Variants in POLRMT observed in about 807,000 individuals in gnomAD.
The protein encoded by POLRMT is RNA polymerase mitochondrial, also known as DNA-directed RNA polymerase, mitochondrial.
A neutral mutation model predicts 132.2 loss-of-function variants in POLRMT; 114 were observed. That is an observed-to-expected ratio of 0.86 (90% CI 0.74 to 1.01). The LOEUF (loss-of-function observed/expected upper bound fraction) is 1.01, where lower values mean the gene tolerates loss of function less well. POLRMT is among the 50% of genes least tolerant of loss of function. The pLI is 0.00. For synonymous variants in POLRMT, 1,020 were observed against 773.4 expected (o/e 1.32, Z -5.29); for missense variants, 2,003 against 1,729.1 (o/e 1.16, Z -2.81).
rs766197089 is a variant in POLRMT at position 619,771 on chromosome 19, C to A, written c.2887-6G>T. On this transcript the variant is annotated splice_region_variant and splice_polypyrimidine_tract_variant and intron_variant, in intron 12 of 20. Transcript: ENST00000588649. ...TGCCTACGGAACACCTCCACCTGCA[C>A]GGCGGGTGGGCCGGGGGCGCGGGTC... The A allele has an allele frequency of 5.1e-6, 8 of 1,564,694 alleles. No individual in the cohort carries two copies. The African/African-American group carries it at 6.8e-5, about 13-fold the overall frequency.
At chr19:624,063 G>A (rs1346767730) in intron 5 of POLRMT, among the ~76,000 whole-genome samples, 4 of 152,244 alleles carry the variant, frequency 2.6e-5, no homozygotes, top group African/African-American at 7.2e-5. Context: ...ACTCGCAGTC[G>A]ATAAGTAGAA....
chr19:619,771 C>T lies in POLRMT; in HGVS notation c.2887-6G>A, dbSNP rs766197089. ...TGCCTACGGAACACCTCCACCTGCA[C>T]GGCGGGTGGGCCGGGGGCGCGGGTC... On this transcript the variant is annotated splice_region_variant and splice_polypyrimidine_tract_variant and intron_variant, in intron 12 of 20. Transcript: ENST00000588649. The T allele has an allele frequency of 1.3e-6, 2 of 1,564,694 alleles. No homozygotes were observed. The highest frequency in any genetic ancestry group is 1.8e-5 in the Admixed American group (1 of 54,632).
In POLRMT at chr19:624,730, C is replaced by T. The variant is rs1230332273; in HGVS notation, c.1129G>A (p.Val377Met). The T allele has an allele frequency of 6.2e-6, 10 of 1,613,152 alleles. No individual in the cohort carries two copies. The highest frequency in any genetic ancestry group is 2.2e-5 in the East Asian group (1 of 44,858). The change falls in exon 5 of 21, where the codon GTG (valine) becomes ATG (methionine). Residue 377 changes from valine to methionine, a missense_variant. Val to Met is a conservative substitution (Grantham distance 21). Coordinates refer to ENST00000588649, the MANE Select transcript of POLRMT (RefSeq NM_005035.4). ...PVNTSKLLRD[V>M]YAKDGRVSYP... ...CCACGTGGGCTCACCTTGGCATACA[C>T]GTCCCTGAGCAGCTTGGAGGTGTTG...
chr19:621,388 C>T lies in POLRMT; in HGVS notation c.2310G>A (p.Arg770=). Residue 770 remains arginine (R), a synonymous_variant, in exon 10 of 21, where the codon CGG becomes CGA. Coordinates refer to ENST00000588649, the MANE Select transcript of POLRMT (RefSeq NM_005035.4). ...RELAHCQKVA[R]EMHSLRAEAL... Reference sequence around the variant, plus strand: ...CCTCCGCCCGCAGGCTGTGCATCTCCCGGGCCACCTTCTGGCAGTGCGCCA... The same window carrying T: ...CCTCCGCCCGCAGGCTGTGCATCTCTCGGGCCACCTTCTGGCAGTGCGCCA... 6.5e-7 allele frequency: 1 copy of T among 1,540,344 alleles called. No individual in the cohort carries two copies. The highest frequency in any genetic ancestry group is 8.7e-7 in the Non-Finnish European group (1 of 1,150,776).
At chr19:619,883 G>A (rs918473151) in intron 12 of POLRMT, 75 bp downstream of exon 12, 46 of 1,588,192 alleles carry the variant, frequency 2.9e-5, no homozygotes, top group Non-Finnish European at 3.4e-5. Flanking sequence ...CCAAGGTGAG[G>A]GCACCTGGGG....
chr19:632,983 C>T (rs1985539166), intron 1 of POLRMT, 45 bp from the exon 2 acceptor site: 7 of 1,365,418 alleles, frequency 5.1e-6, no homozygotes, highest in Non-Finnish European at 5.8e-6. Context: ...GGCGTGTGGG[C>T]GGGGGCCTCC....
At position 621,430 on chromosome 19, in the gene POLRMT, G is replaced by A. The variant is rs770942121; in HGVS notation, c.2268C>T (p.Ala756=). 58 of 1,465,606 alleles carry A rather than the reference G, an allele frequency of 4.0e-5. No homozygotes were observed. Among genetic ancestry groups the A allele is most frequent in the Middle Eastern group, 4.8e-4 (2 of 4,146 alleles). 90.8% of individuals were successfully genotyped at this position (1,465,606 alleles called of 1,614,324 possible). ...AGTGCGCCAGCTCACGGCGCAGCTC[G>A]GCCTTGCGGGCGGGCGCGGCGCTGT... ...LPHSAAPARK[A]ELRRELAHCQ... Residue 756 remains alanine, a synonymous_variant, in exon 10 of 21, where the codon GCC becomes GCT. Coordinates refer to ENST00000588649, the MANE Select transcript of POLRMT (RefSeq NM_005035.4).
At chr19:619,431 C>A in intron 13 of POLRMT, 135 bp from the exon 14 acceptor site, 1 of 1,354,862 alleles carries the variant, frequency 7.4e-7, no homozygotes, top group Non-Finnish European at 1.0e-6. Flanking sequence ...CTGGCGCCCA[C>A]GCAGTCAGCA....
chr19:617,373 T>G, intron 20 of POLRMT, 46 bp downstream of exon 20: 1 of 1,612,372 alleles, frequency 6.2e-7, no homozygotes, highest in Non-Finnish European at 8.5e-7. Context: ...AGCCCCGCCC[T>G]GGCCCGCAGT....
At chr19:620,209 C>T (rs1984407387) in intron 11 of POLRMT, 129 bp from the exon 12 acceptor site, 4 of 1,468,166 alleles carry the variant, frequency 2.7e-6, no homozygotes, top group Non-Finnish European at 9.1e-7. Flanking sequence ...GGAGCCCCCG[C>T]ACGCTCCCGG....
rs374317205 is a variant in POLRMT at position 620,457 on chromosome 19, G to A, written c.2671C>T (p.Pro891Ser). The stretch of plus-strand genomic sequence containing the variant: ...ATACAGCAGGCCAGCGTCTGCCAGG[G>A]TTCCTCCGCGCCCATCCACCACTTT... The part of the protein sequence containing the change: ...GRKWWMGAEE[P>S]WQTLACCMEV... Residue 891 changes from proline (P) to serine (S), a missense_variant, in exon 11 of 21, where the codon CCC becomes TCC. Pro to Ser is a moderately conservative substitution (Grantham distance 74). Coordinates refer to ENST00000588649, the MANE Select transcript of POLRMT (RefSeq NM_005035.4). The A allele has an allele frequency of 2.4e-5, 39 of 1,600,582 alleles. No individual in the cohort carries two copies. The highest frequency in any genetic ancestry group is 3.0e-5 in the Non-Finnish European group (35 of 1,173,568).
At chr19:625,753 G>C (rs750351794) in intron 3 of POLRMT, among the ~76,000 whole-genome samples, 1 of 152,190 alleles carries the variant, frequency 6.6e-6, no homozygotes, top group East Asian at 1.9e-4. Flanking sequence ...CCAGGCTGGA[G>C]TGCAGTGGCA....
At chr19:626,479 ATT>A (rs113783333) in intron 3 of POLRMT, among the ~76,000 whole-genome samples, 8 of 136,632 alleles carry the variant, frequency 5.9e-5, no homozygotes, top group African/African-American at 1.9e-4. Flanking sequence ...ATCCCCTGCA[ATT>A]TTTTTTTTTT....
chr19:632,817 G>A lies in POLRMT; in HGVS notation c.193+17C>T, dbSNP rs370757132. The A allele has an allele frequency of 5.2e-6, 8 of 1,529,928 alleles. No individual in the cohort carries two copies. In the African/African-American group the frequency reaches 9.8e-5, roughly 19 times the overall value. The allele number at this position is 1,529,928 out of a possible 1,614,324, so 94.8% of individuals were successfully genotyped here. ...GCGGACTCTCCTCTCCCGGGCCGCC[G>A]TGGGGGTCGCGCTCACCCTCCAGCA... On this transcript the variant is annotated intron_variant, in intron 2 of 20. Transcript: ENST00000588649.
At chr19:620,599 G>C in intron 10 of POLRMT, 112 bp from the exon 11 acceptor site, 1 of 1,294,156 alleles carries the variant, frequency 7.7e-7, no homozygotes, top group Non-Finnish European at 1.0e-6. Flanking sequence ...ACCCGTGATA[G>C]TGAACACGGG....
Position 620,013 on chromosome 19 carries a change from A to G in POLRMT, c.2831T>C (p.Val944Ala). 3.2e-6 allele frequency: 5 copies of G among 1,583,436 alleles called. No individual in the cohort carries two copies. The highest frequency in any genetic ancestry group is 3.4e-6 in the Non-Finnish European group (4 of 1,169,288). ...LGRDSVGAAS[V>A]NLEPSDVPQD... is the part of the protein sequence containing the mutation. ...CGGCACATCCGAGGGCTCCAGGTTG[A>G]CGGAGGCGGCGCCCACGCTGTCGCG... The change falls in exon 12 of 21, where the codon GTC becomes GCC. Residue 944 changes from valine (V) to alanine (A), a missense_variant. Val to Ala is a moderately conservative substitution (Grantham distance 64). Coordinates refer to ENST00000588649, the MANE Select transcript of POLRMT (RefSeq NM_005035.4).
intron 13 of POLRMT, 105 bp from the exon 14 acceptor site, chr19:619,401 G>A (rs1171896685): frequency 9.4e-6 from 13 of 1,385,674 alleles, no homozygotes; most frequent in Admixed American, 1.9e-5. Context: ...GGGCCTAGCA[G>A]GGGGGCAGGG....
chr19:633,413 C>G lies in POLRMT; in HGVS notation c.88+12G>C. The G allele has an allele frequency of 6.5e-7, 1 of 1,535,524 alleles. No homozygotes were observed. Among genetic ancestry groups the G allele is most frequent in the Non-Finnish European group, 8.8e-7 (1 of 1,139,930 alleles). ...GGCCCCCGGGCTGCCTGGCCGTCTC[C>G]CTTTGTGTTACCTTCTTTGCCGGGG... On this transcript the variant is annotated intron_variant, in intron 1 of 20. Transcript: ENST00000588649.
rs771869648 is a variant in POLRMT at position 617,413 on chromosome 19, G to C, written c.3643+6C>G. ...GCCACCCTTGCGAGGCTGCCCACCC[G>C]CCTACCTGGCTTGGGCACCGCCTGC... On this transcript the variant is annotated splice_donor_region_variant and intron_variant, in intron 20 of 20. Transcript: ENST00000588649. 14 of 1,612,242 alleles carry C rather than the reference G, an allele frequency of 8.7e-6. No individual in the cohort carries two copies. Among genetic ancestry groups the C allele is most frequent in the South Asian group, 7.7e-5 (7 of 91,054 alleles).
Sources: allele counts gnomAD v4.1 joint callset (sites outside exome capture counted in the v4.1 genomes callset), GRCh38; gene constraint gnomAD v4.1.1; transcripts MANE v1.5; gene names NCBI Gene and HGNC (gene_info 2026-07-23, HGNC 2026-07-21).